The following TRPM5 variants were observed in gnomAD, a reference collection of about 807,000 sequenced individuals.
The protein encoded by TRPM5 is MLSN1 and TRP-related.
TRPM5 carries 121 observed loss-of-function variants against 124.9 expected under a neutral mutation model. The ratio of observed to expected loss-of-function variants is 0.97; its 90% CI spans 0.84 to 1.13. The LOEUF (loss-of-function observed/expected upper bound fraction) is 1.13, where lower values mean the gene tolerates loss of function less well. TRPM5 is among the 50% of genes most tolerant of loss of function. TRPM5 has a pLI of 0.00. For missense variants in TRPM5, 1,643 were observed against 1,589.1 expected, an observed-to-expected ratio of 1.03 and a Z score of -0.58; for synonymous variants, 781 against 700.5, an observed-to-expected ratio of 1.11 and a Z score of -1.81.
intron 12 of TRPM5, 83 bp from the exon 18 acceptor site, chr11:2,413,671 G>A (rs1348992302): frequency 3.8e-6 from 5 of 1,327,764 alleles, no homozygotes; most frequent in African/African-American, 1.5e-5. Context: ...CTTCCCCCAG[G>A]TGCCTGGCCC....
At chr11:2,434,002 CTGTG>C in the TRPM5 span, among the ~76,000 whole-genome samples, 1,976 of 150,210 alleles carry the variant, frequency 0.013, 27 homozygotes, top group Non-Finnish European at 0.021. Flanking sequence ...TGTGTGGATG[CTGTG>C]TGTGTGTATG....
chr11:2,405,142 G>C (rs1850288987), intron 23 of TRPM5, 99 bp from the exon 29 acceptor site: 1 of 1,001,262 alleles, frequency 1.0e-6, no homozygotes, highest in African/African-American at 1.6e-5. Flanking sequence ...AGGACGCCGT[G>C]GCTCTCAGAG....
exon 9 of TRPM5, chr11:2,415,460 C>T (rs1845651854): frequency 1.3e-6 from 2 of 1,571,694 alleles, no homozygotes; most frequent in East Asian, 4.5e-5. Context: ...TCACCTCCTC[C>T]AGGTCACAGG....
In TRPM5 at chr11:2,412,823, C is replaced by A. The variant is rs138898854; in HGVS notation, c.2286G>T (p.Gln762His). ...GGGTGACCTCGGGCCCTGAGGGGCC[C>A]TGGGGGGGCGGCCTGAAGTCCACCA... Residue 762 changes from glutamine to histidine, a missense_variant, in exon 15 of 24, where the codon CAG becomes CAT. Transcript: ENST00000155858. The A allele has an allele frequency of 1.4e-5, 22 of 1,603,806 alleles. 1 individual carries two copies. The highest frequency in any genetic ancestry group is 1.2e-4 in the African/African-American group (9 of 74,836).
exon 2 of TRPM5, chr11:2,422,199 C>T (rs1369671761): frequency 1.2e-6 from 2 of 1,612,402 alleles, no homozygotes; most frequent in Middle Eastern, 1.7e-4. Flanking sequence ...GCCAGGACTT[C>T]ATGGCGAAAG....
intron 18 of TRPM5, among the ~76,000 whole-genome samples, chr11:2,411,106 C>G (rs1850435457): frequency 6.6e-6 from 1 of 152,150 alleles, no homozygotes; most frequent in Non-Finnish European, 1.5e-5. Context: ...GTCTCCTTCC[C>G]AGCCCAAGGC....
chr11:2,414,009 G>GGGCCCC, intron 12 of TRPM5, 52 bp downstream of exon 17: 15 of 1,023,730 alleles, frequency 1.5e-5, no homozygotes, highest in East Asian at 2.8e-5. Flanking sequence ...GGCCCAGCTC[G>GGGCCCC]CCCGCCCACC....
intron 18 of TRPM5, among the ~76,000 whole-genome samples, chr11:2,408,497 C>T (rs1850370482): frequency 6.6e-6 from 1 of 152,202 alleles, no homozygotes; most frequent in Non-Finnish European, 1.5e-5. Context: ...GCTCTGAGGG[C>T]ACCGATCCCG....
exon 15 of TRPM5, chr11:2,412,991 C>T (rs763796221): frequency 8.7e-6 from 14 of 1,605,288 alleles, no homozygotes; most frequent in South Asian, 6.7e-5. Flanking sequence ...GAGCCCTCGG[C>T]GCCTCCACCA....
chr11:2,423,076 G>T (rs771240322), upstream of TRPM5: 27 of 1,528,454 alleles, frequency 1.8e-5, no homozygotes, highest in Non-Finnish European at 1.9e-5. Flanking sequence ...GGCCCTTGAG[G>T]GCTGAGAAGG....
chr11:2,435,370 C>A, the TRPM5 span, among the ~76,000 whole-genome samples: 38 of 152,132 alleles, frequency 2.5e-4, 2 homozygotes, highest in African/African-American at 9.2e-4. This position sits in a 1 kb window ranked among gnomAD's most constrained non-coding sequence, Gnocchi z 4.1. Context: ...ACTCACTCAC[C>A]CACCCACTCA....
chr11:2,443,331 A>C, the TRPM5 span, among the ~76,000 whole-genome samples: 1 of 152,204 alleles, frequency 6.6e-6, no homozygotes, highest in Non-Finnish European at 1.5e-5. The surrounding 1 kb of genome is among the most constrained non-coding windows in gnomAD (Gnocchi z 5.0). Context: ...CAGAGACTCC[A>C]TGCAGGTGTA....
intron 20 of TRPM5, 28 bp downstream of exon 25, chr11:2,407,091 A>G (rs761104625): frequency 1.9e-6 from 2 of 1,042,692 alleles, no homozygotes; most frequent in Non-Finnish European, 2.6e-6. Context: ...GGCCTCACCC[A>G]GGTGCTCCCG....
intron 4 of TRPM5, 38 bp from the exon 10 acceptor site, chr11:2,418,629 G>T: frequency 6.3e-7 from 1 of 1,586,246 alleles, no homozygotes; most frequent in South Asian, 1.1e-5. Context: ...AGGACCCTCC[G>T]CCTGGGGTGA....
At chr11:2,410,247 C>T (rs1421276824) in intron 18 of TRPM5, among the ~76,000 whole-genome samples, 5 of 152,140 alleles carry the variant, frequency 3.3e-5, no homozygotes, top group Middle Eastern at 3.2e-3. Flanking sequence ...GTTTCCATCA[C>T]GGCGTCGCCC....
At chr11:2,412,348 T>C (rs1850469899) in intron 15 of TRPM5, 95 bp from the exon 21 acceptor site, 14 of 980,834 alleles carry the variant, frequency 1.4e-5, no homozygotes, top group Non-Finnish European at 2.2e-5. Flanking sequence ...AGGATCAGGG[T>C]TCCATCTATG....
At chr11:2,414,824 C>T in exon 11 of TRPM5, 1 of 1,591,818 alleles carries the variant, frequency 6.3e-7, no homozygotes. Flanking sequence ...GTGCGGCTGC[C>T]ACACCTTCCT....
At chr11:2,444,098 C>T in the TRPM5 span, among the ~76,000 whole-genome samples, 1 of 152,008 alleles carries the variant, frequency 6.6e-6, no homozygotes, top group South Asian at 2.1e-4. Context: ...GGCTGTGCCG[C>T]CCCCACCCCC....
chr11:2,406,603 C>T (rs1057189303), intron 21 of TRPM5, 58 bp downstream of exon 26: 3 of 1,542,744 alleles, frequency 1.9e-6, no homozygotes, highest in East Asian at 2.3e-5. Flanking sequence ...GCGCCAATGG[C>T]ACATCCCCGC....
Sources: allele counts gnomAD v4.1 joint callset (sites outside exome capture counted in the v4.1 genomes callset), GRCh38; gene constraint gnomAD v4.1.1; non-coding constraint Gnocchi (gnomAD v3.1); transcripts MANE v1.5; gene names NCBI Gene and HGNC (gene_info 2026-07-23, HGNC 2026-07-21).